Variants in ADGRB3 observed in about 807,000 individuals in gnomAD.
The protein encoded by ADGRB3 is brain-specific angiogenesis inhibitor 3.
Under a neutral mutation model 193.4 loss-of-function variants are expected in ADGRB3, and 37 were observed. The ratio of observed to expected loss-of-function variants is 0.19; its 90% confidence interval spans 0.15 to 0.25. The LOEUF (loss-of-function observed/expected upper bound fraction) is 0.25. ADGRB3 is among the 10% of genes least tolerant of loss of function. The pLI, the probability that ADGRB3 is intolerant of heterozygous loss-of-function variation, is 1.00. For synonymous variants in ADGRB3, 690 were observed against 644.2 expected, an observed-to-expected ratio of 1.07 and a Z score of -1.08; for missense variants, 1,637 against 1,852.9, an observed-to-expected ratio of 0.88 and a Z score of 2.14.
intron 24 of ADGRB3, 120 bp from the exon 25 acceptor site, chr6:69,338,796 T>A (rs1161129519): frequency 2.5e-6 from 2 of 814,306 alleles, no homozygotes; most frequent in South Asian, 3.3e-5. Context: ...AGAGCATACA[T>A]TTTTGATAAA....
At chr6:69,030,976 C>CTTTTTTCTT (rs869292885) in intron 13 of ADGRB3, among the ~76,000 whole-genome samples, 1 of 74,928 alleles carries the variant, frequency 1.3e-5, no homozygotes, top group Non-Finnish European at 2.9e-5. Context: ...CTTTTCTTTT[C>CTTTTTTCTT]TTTTCTTTTC....
chr6:69,154,595 C>A (rs1459897366), intron 17 of ADGRB3, among the ~76,000 whole-genome samples: 1 of 152,214 alleles, frequency 6.6e-6, no homozygotes, highest in Non-Finnish European at 1.5e-5. Context: ...GATCACATCT[C>A]CAGTCTCTGC....
At chr6:68,670,907 A>G (rs566540295) in intron 3 of ADGRB3, among the ~76,000 whole-genome samples, 30 of 151,760 alleles carry the variant, frequency 2.0e-4, no homozygotes, top group Admixed American at 1.6e-3. Context: ...ATATTTTTCA[A>G]TTTTTTTGGT....
At chr6:68,898,623 A>G (rs1371841549) in intron 3 of ADGRB3, among the ~76,000 whole-genome samples, 1 of 152,142 alleles carries the variant, frequency 6.6e-6, no homozygotes, top group Non-Finnish European at 1.5e-5. Context: ...GACTTCACAT[A>G]GTGAATTTCT....
At chr6:68,881,881 A>G (rs1765744286) in intron 3 of ADGRB3, among the ~76,000 whole-genome samples, 1 of 152,230 alleles carries the variant, frequency 6.6e-6, no homozygotes. Context: ...TATTGGATAC[A>G]TATTTAAGTA....
intron 3 of ADGRB3, among the ~76,000 whole-genome samples, chr6:68,807,361 C>G (rs1767425318): frequency 6.6e-6 from 1 of 150,792 alleles, no homozygotes; most frequent in Non-Finnish European, 1.5e-5. Context: ...ACCTCAGCCT[C>G]CCGAGTAGCT....
At chr6:68,792,456 C>T (rs1767124920) in intron 3 of ADGRB3, among the ~76,000 whole-genome samples, 1 of 152,098 alleles carries the variant, frequency 6.6e-6, no homozygotes, top group Non-Finnish European at 1.5e-5. Context: ...GCTTAAGAGG[C>T]CTTTAAATTC....
At chr6:69,210,131 T>C (rs561287530) in intron 17 of ADGRB3, among the ~76,000 whole-genome samples, 1 of 94,740 alleles carries the variant, frequency 1.1e-5, no homozygotes, top group South Asian at 2.8e-4. Context: ...CTCATATATA[T>C]CATATATTAA....
intron 11 of ADGRB3, among the ~76,000 whole-genome samples, chr6:69,007,394 T>C (rs1014727634): frequency 1.3e-5 from 2 of 152,124 alleles, no homozygotes; most frequent in African/African-American, 4.8e-5. Context: ...TCACTTTACC[T>C]GACCCCTGTG....
At chr6:69,000,219 T>A (rs899630331) in intron 11 of ADGRB3, among the ~76,000 whole-genome samples, 2 of 152,192 alleles carry the variant, frequency 1.3e-5, no homozygotes, top group African/African-American at 4.8e-5. Flanking sequence ...GGGATAATAG[T>A]CAATTCATTG....
chr6:69,334,848 T>G (rs1055836707), intron 24 of ADGRB3, among the ~76,000 whole-genome samples: 10 of 152,200 alleles, frequency 6.6e-5, no homozygotes, highest in Admixed American at 2.6e-4. Context: ...GGTGTGTTAC[T>G]TTTTGCAACT....
chr6:68,671,111 A>G (rs1768945667), intron 3 of ADGRB3, among the ~76,000 whole-genome samples: 1 of 151,986 alleles, frequency 6.6e-6, no homozygotes, highest in South Asian at 2.1e-4. Flanking sequence ...TTGATGTTGT[A>G]TCCTGCATCT....
At chr6:69,304,938 T>C (rs1331258524) in intron 20 of ADGRB3, among the ~76,000 whole-genome samples, 3 of 151,564 alleles carry the variant, frequency 2.0e-5, no homozygotes, top group African/African-American at 7.3e-5. Flanking sequence ...ACATTTAGGA[T>C]GAAGTTTAGA....
In ADGRB3 at chr6:68,715,174, C is replaced by A. The variant is rs536168698; in HGVS notation, c.757+75742C>A. ...TTGGAAAGTACATTAATATTAATAA[C>A]CATTATGGTTCTATATATTGAAATT... On this transcript the variant is annotated intron_variant, in intron 3 of 31. Coordinates refer to ENST00000370598, the MANE Select transcript of ADGRB3 (RefSeq NM_001704.3). Among the ~76,000 whole-genome samples, 4 of 151,272 alleles carry A rather than the reference C, an allele frequency of 2.6e-5. No individual in the cohort carries two copies. The South Asian group carries it at 8.4e-4, about 32-fold the overall frequency.
chr6:68,897,560 GA>G, intron 3 of ADGRB3, among the ~76,000 whole-genome samples: 1 of 69,540 alleles, frequency 1.4e-5, no homozygotes. Context: ...AGGAAGGAAA[GA>G]AAGAGAAACA....
At chr6:68,829,819 G>A (rs1202001403) in intron 3 of ADGRB3, among the ~76,000 whole-genome samples, 1 of 151,988 alleles carries the variant, frequency 6.6e-6, no homozygotes, top group East Asian at 1.9e-4. Flanking sequence ...CATGTAACAG[G>A]AGTTCTATTT....
chr6:69,283,280 A>G (rs996587334), intron 20 of ADGRB3, among the ~76,000 whole-genome samples: 1 of 152,186 alleles, frequency 6.6e-6, no homozygotes, highest in Non-Finnish European at 1.5e-5. Flanking sequence ...GATTGTAATG[A>G]AAATGAAGTA....
At chr6:69,061,922 G>T (rs953277300) in intron 15 of ADGRB3, among the ~76,000 whole-genome samples, 3 of 151,668 alleles carry the variant, frequency 2.0e-5, no homozygotes, top group African/African-American at 7.3e-5. Context: ...ATTATCCAAA[G>T]AATTAAACTA....
At chr6:68,951,347 C>T (rs190125549) in intron 6 of ADGRB3, among the ~76,000 whole-genome samples, 1 of 152,200 alleles carries the variant, frequency 6.6e-6, no homozygotes, top group Non-Finnish European at 1.5e-5. Context: ...GCTCTAATAT[C>T]GTCGTCTCCT....
Sources: gnomAD v4.1 joint callset for allele counts (sites outside exome capture counted in the v4.1 genomes callset) on GRCh38, gnomAD v4.1.1 for gene constraint, MANE v1.5 for transcripts, NCBI Gene and HGNC (gene_info 2026-07-23, HGNC 2026-07-21) for gene names.